Variants in VPS54 observed in about 807,000 individuals in gnomAD.
The protein encoded by VPS54 is vacuolar protein sorting-associated protein 54.
Under a neutral mutation model 121.5 loss-of-function variants are expected in VPS54, and 45 were observed. The observed-to-expected ratio is 0.37, with a 90% CI of 0.29 to 0.47. VPS54 has a LOEUF of 0.47. Ranked by LOEUF, VPS54 falls within the 20% of genes least tolerant of loss-of-function variation. VPS54 has a pLI of 0.99. For synonymous variants in VPS54, 371 were observed against 385.8 expected, an observed-to-expected ratio of 0.96 and a Z score of 0.45; for missense variants, 1,090 against 1,131.4, an observed-to-expected ratio of 0.96 and a Z score of 0.52.
intron 20 of VPS54, among the ~76,000 whole-genome samples, chr2:63,907,193 A>G (rs1459922089): frequency 6.6e-6 from 1 of 152,180 alleles, no homozygotes; most frequent in Non-Finnish European, 1.5e-5. Context: ...CTAGAAAAAA[A>G]ATTGGAGAAT....
intron 1 of VPS54, among the ~76,000 whole-genome samples, chr2:64,007,318 G>A (rs1678208912): frequency 1.3e-5 from 2 of 152,160 alleles, no homozygotes; most frequent in African/African-American, 2.4e-5. Flanking sequence ...GTAGGGGAGT[G>A]ACTGGAAATA....
intron 7 of VPS54, among the ~76,000 whole-genome samples, chr2:63,957,441 C>CAAAAAAAAAAAAAAAAAAAAAA (rs10551633): frequency 2.2e-5 from 2 of 90,128 alleles, no homozygotes; most frequent in Non-Finnish European, 4.5e-5. Flanking sequence ...GACTCCATCT[C>CAAAAAAAAAAAAAAAAAAAAAA]AAAAAAAAAA....
At chr2:63,921,679 T>C (rs1673653690) in intron 12 of VPS54, among the ~76,000 whole-genome samples, 1 of 151,806 alleles carries the variant, frequency 6.6e-6, no homozygotes, top group Non-Finnish European at 1.5e-5. Context: ...AGAGTCTTGC[T>C]ACAATGCCCA....
At chr2:63,993,756 CT>C (rs2104651342) in intron 1 of VPS54, among the ~76,000 whole-genome samples, 1 of 152,288 alleles carries the variant, frequency 6.6e-6, no homozygotes, top group East Asian at 1.9e-4. Flanking sequence ...ATAAAAATGA[CT>C]TCTTGGGTGG....
At chr2:63,980,475 ATTTAT>A (rs1676757130) in intron 3 of VPS54, among the ~76,000 whole-genome samples, 2 of 152,104 alleles carry the variant, frequency 1.3e-5, no homozygotes, top group African/African-American at 2.4e-5. Context: ...TCATCTTGAA[ATTTAT>A]TTTATGTCCT....
intron 7 of VPS54, among the ~76,000 whole-genome samples, chr2:63,952,958 G>A (rs1018952917): frequency 6.6e-6 from 1 of 152,054 alleles, no homozygotes; most frequent in East Asian, 1.9e-4. Flanking sequence ...CTGACCAATG[G>A]AGAATGGTTG....
intron 15 of VPS54, 91 bp downstream of exon 15, chr2:63,919,792 A>T: frequency 1.2e-6 from 1 of 830,386 alleles, no homozygotes; most frequent in Non-Finnish European, 1.8e-6. Context: ...GCTTTGAAAT[A>T]GGCATTGTCA....
At chr2:64,018,085 C>A (rs1678793120) in intron 1 of VPS54, among the ~76,000 whole-genome samples, 1 of 152,158 alleles carries the variant, frequency 6.6e-6, no homozygotes, top group Non-Finnish European at 1.5e-5. Flanking sequence ...TCTCGGTATA[C>A]TACAAGTAAT....
intron 7 of VPS54, 118 bp downstream of exon 7, chr2:63,961,940 C>G: frequency 1.8e-6 from 2 of 1,109,538 alleles, no homozygotes; most frequent in Non-Finnish European, 1.2e-6. Flanking sequence ...AATGATCAAT[C>G]TGGAAGAAAA....
At chr2:63,985,786 C>A (rs1677023705) in intron 1 of VPS54, among the ~76,000 whole-genome samples, 1 of 151,938 alleles carries the variant, frequency 6.6e-6, no homozygotes, top group Admixed American at 6.6e-5. Flanking sequence ...GGCAAAAGTT[C>A]TGTGATGAAA....
intron 5 of VPS54, among the ~76,000 whole-genome samples, chr2:63,966,324 G>A (rs1419247032): frequency 6.6e-6 from 1 of 152,106 alleles, no homozygotes; most frequent in Non-Finnish European, 1.5e-5. Flanking sequence ...TTTTTAAAAT[G>A]CCAAATATCA....
chr2:63,967,115 T>C (rs1676036990), intron 5 of VPS54, among the ~76,000 whole-genome samples: 1 of 152,196 alleles, frequency 6.6e-6, no homozygotes, highest in Admixed American at 6.5e-5. Context: ...TTTTTGTACC[T>C]CTAACACCTA....
At chr2:64,005,401 C>A (rs555582726) in intron 1 of VPS54, among the ~76,000 whole-genome samples, 1 of 152,110 alleles carries the variant, frequency 6.6e-6, no homozygotes, top group South Asian at 2.1e-4. Flanking sequence ...CCGCGCCCAG[C>A]CTACTATTGC....
rs191201709 is a variant in VPS54, at chr2:63,987,166, C to G, written c.-20-3147G>C. Among the ~76,000 whole-genome samples the G allele has an allele frequency of 1.1e-4, 17 of 152,274 alleles. No homozygotes were observed. The East Asian group carries it at 3.1e-3, about 28-fold the overall frequency. ...CTCACTTCAATGACCTGGACATTTT[C>G]CCCAAGGCTTTCTTTTCGTTGTTTC... is the stretch of plus-strand genomic sequence containing the variant. On this transcript the variant is annotated intron_variant, in intron 1 of 22. Coordinates refer to ENST00000272322, the MANE Select transcript of VPS54 (RefSeq NM_016516.3).
chr2:63,934,356 C>G (rs1674355707), intron 11 of VPS54, among the ~76,000 whole-genome samples: 1 of 152,110 alleles, frequency 6.6e-6, no homozygotes, highest in African/African-American at 2.4e-5. Context: ...CATTGATATG[C>G]CTGTCTAAAA....
At chr2:63,989,907 T>C (rs1366413107) in intron 1 of VPS54, among the ~76,000 whole-genome samples, 1 of 152,166 alleles carries the variant, frequency 6.6e-6, no homozygotes, top group Non-Finnish European at 1.5e-5. Flanking sequence ...ATGGAAAATA[T>C]GGTCACTCTA....
At chr2:63,983,717 C>T (rs938455566) in intron 2 of VPS54, 147 bp downstream of exon 2, 7 of 985,630 alleles carry the variant, frequency 7.1e-6, no homozygotes, top group Non-Finnish European at 8.5e-6. Flanking sequence ...GCTGGGATTA[C>T]AGGCGTGAGC....
chr2:63,953,690 G>C (rs1675364596), intron 7 of VPS54, among the ~76,000 whole-genome samples: 1 of 150,086 alleles, frequency 6.7e-6, no homozygotes, highest in African/African-American at 2.4e-5. Flanking sequence ...TAAGATGAGA[G>C]ACAGACAGAT....
Position 63,899,577 on chromosome 2 carries a change from T to G in VPS54, c.2630A>C (p.Glu877Ala), listed in dbSNP as rs1474034201. Reference sequence around the variant, plus strand: ...GGCAGAAGGAACAGGAGCCTTCACTTCATACTGGTAGGAAAAAATAATGAG... The same window carrying G: ...GGCAGAAGGAACAGGAGCCTTCACTGCATACTGGTAGGAAAAAATAATGAG... ...SLFDKLLSKY[E>A]VKAPVPSACF... Residue 877 changes from glutamate to alanine, a missense_variant, in exon 21 of 23, where the codon GAA becomes GCA. Physicochemically the swap from Glu to Ala is moderately radical, Grantham distance 107. This residue lies in a region of VPS54 where 289 missense variants were observed against 374.4 expected (regional missense o/e 0.77). Coordinates refer to ENST00000272322, the MANE Select transcript of VPS54 (RefSeq NM_016516.3). 5 of 1,612,452 alleles carry G rather than the reference T, an allele frequency of 3.1e-6. No individual in the cohort carries two copies. The African/African-American group carries it at 5.3e-5, about 17-fold the overall frequency.
Sources: gnomAD v4.1 joint callset for allele counts (sites outside exome capture counted in the v4.1 genomes callset) on GRCh38, gnomAD v4.1.1 for gene constraint, gnomAD v4.1.1 regional missense constraint, MANE v1.5 for transcripts, NCBI Gene and HGNC (gene_info 2026-07-23, HGNC 2026-07-21) for gene names.